CLASP1: variants seen among roughly 807,000 people sequenced by gnomAD.
CLASP1 encodes the protein CLIP-associating protein 1.
CLASP1 carries 38 observed loss-of-function variants against 192.3 expected under a neutral mutation model. The observed-to-expected ratio is 0.20, with a 90% confidence interval of 0.15 to 0.26. The LOEUF is 0.26. Ranked by LOEUF, CLASP1 falls within the 10% of genes least tolerant of loss-of-function variation. The probability of loss-of-function intolerance (pLI) is 1.00; values close to 1 mark genes in which losing one functional copy is unlikely to be tolerated. For missense variants in CLASP1, 1,433 were observed against 1,932.5 expected, an observed-to-expected ratio of 0.74 and a Z score of 4.85; for synonymous variants, 691 against 712.8, an observed-to-expected ratio of 0.97 and a Z score of 0.49.
chr2:121,394,658 G>T (rs2074975038), intron 30 of CLASP1, among the ~76,000 whole-genome samples: 1 of 152,188 alleles, frequency 6.6e-6, no homozygotes, highest in Non-Finnish European at 1.5e-5. Context: ...AAGGTGGGCG[G>T]ATCACGAGGT....
chr2:121,338,920 C>T (rs1293346326), exon 40 of CLASP1: 1 of 152,528 alleles, frequency 6.6e-6, no homozygotes, highest in African/African-American at 2.4e-5. Context: ...AAGAGACTCC[C>T]TAATTCACTT....
chr2:121,353,845 C>T (rs927411341), intron 37 of CLASP1, among the ~76,000 whole-genome samples: 2 of 152,158 alleles, frequency 1.3e-5, no homozygotes, highest in Admixed American at 6.5e-5. Flanking sequence ...GGCTGGAGTG[C>T]GATGGTGTGA....
intron 2 of CLASP1, among the ~76,000 whole-genome samples, chr2:121,588,376 G>A (rs1464046346): frequency 6.6e-6 from 1 of 152,074 alleles, no homozygotes; most frequent in East Asian, 1.9e-4. Context: ...ATGGCAACAT[G>A]CCCATAAAAA....
chr2:121,615,819 T>A (rs2066359406), intron 1 of CLASP1, among the ~76,000 whole-genome samples: 1 of 151,366 alleles, frequency 6.6e-6, no homozygotes, highest in South Asian at 2.1e-4. Flanking sequence ...ACAAATAAAT[T>A]AAAAAAAACA....
At chr2:121,557,521 T>C (rs201027099) in intron 2 of CLASP1, among the ~76,000 whole-genome samples, 1 of 151,362 alleles carries the variant, frequency 6.6e-6, no homozygotes. Context: ...GAGGCGGAGG[T>C]TGCAGTGACC....
At chr2:121,348,067 C>T (rs980060608) in intron 38 of CLASP1, among the ~76,000 whole-genome samples, 2 of 151,628 alleles carry the variant, frequency 1.3e-5, no homozygotes, top group South Asian at 2.1e-4. Context: ...CACAGTGGAA[C>T]GCAGCTGCTT....
chr2:121,345,816 C>A (rs1377536873), intron 39 of CLASP1, among the ~76,000 whole-genome samples: 1 of 152,218 alleles, frequency 6.6e-6, no homozygotes, highest in African/African-American at 2.4e-5. Context: ...TTCTGCCCCC[C>A]AGAGGGCATC....
rs138640657 is a variant in CLASP1 at position 121,378,612 on chromosome 2, C to T, written c.3492-963G>A. 7.2e-5 allele frequency among the ~76,000 whole-genome samples: 11 copies of T among 151,928 alleles called. No homozygotes were observed. In the East Asian group the frequency reaches 1.9e-3, roughly 27 times the overall value. ...ATATCAGCATAAAGCAAGCAAAACA[C>T]GAAGCAACAGTCAACCAAGGGCAAG... On this transcript the variant is annotated intron_variant, in intron 33 of 39. Coordinates refer to ENST00000263710, the Ensembl canonical transcript of CLASP1.
At chr2:121,594,613 C>A (rs2062901152) in intron 2 of CLASP1, among the ~76,000 whole-genome samples, 1 of 151,982 alleles carries the variant, frequency 6.6e-6, no homozygotes, top group African/African-American at 2.4e-5. Context: ...GAATGGTCTC[C>A]ATCTCCTGAC....
chr2:121,345,593 G>A (rs1558800447), intron 39 of CLASP1, among the ~76,000 whole-genome samples: 1 of 152,156 alleles, frequency 6.6e-6, no homozygotes, highest in South Asian at 2.1e-4. Context: ...GGGGACTTTT[G>A]CTCTGTATCT....
chr2:121,494,738 G>A (rs912908010), intron 8 of CLASP1, among the ~76,000 whole-genome samples: 1 of 151,948 alleles, frequency 6.6e-6, no homozygotes, highest in Non-Finnish European at 1.5e-5. Flanking sequence ...TAAAAATATT[G>A]GGCCAACCAC....
chr2:121,616,524 G>A (rs1175914909), intron 1 of CLASP1, among the ~76,000 whole-genome samples: 2 of 152,214 alleles, frequency 1.3e-5, no homozygotes, highest in African/African-American at 4.8e-5. Flanking sequence ...TTTAAAGCCA[G>A]TTCTGGAAGA....
chr2:121,541,459 C>T (rs2095232193), intron 2 of CLASP1, among the ~76,000 whole-genome samples: 1 of 152,046 alleles, frequency 6.6e-6, no homozygotes, highest in South Asian at 2.1e-4. Context: ...GGTAAATGAC[C>T]AAACTGCAAA....
chr2:121,357,095 A>G (rs1323214972), intron 37 of CLASP1, among the ~76,000 whole-genome samples: 1 of 152,192 alleles, frequency 6.6e-6, no homozygotes, highest in Non-Finnish European at 1.5e-5. Flanking sequence ...TAACGCTGAC[A>G]ATGTACCGGC....
At chr2:121,398,508 G>T in intron 28 of CLASP1, 108 bp from the exon 30 acceptor site, 1 of 720,470 alleles carries the variant, frequency 1.4e-6, no homozygotes, top group Non-Finnish European at 2.3e-6. Flanking sequence ...GTAAAACCCT[G>T]TTCACATTTT....
rs12991827 is a variant in CLASP1, at chr2:121,508,698, C to T, written c.645-5464G>A. Among the ~76,000 whole-genome samples the T allele has an allele frequency of 7.3e-3, 1,107 of 152,272 alleles. 4 individuals are homozygous for T. Among genetic ancestry groups the T allele is most frequent in the Non-Finnish European group, 0.011 (737 of 68,024 alleles). ...TTAAGTCATCCTCCTGCCTCAGCTTCCCCAGTAGCTGGAACTGGGGGTACA... is the reference window on the plus strand; with the variant it reads ...TTAAGTCATCCTCCTGCCTCAGCTTTCCCAGTAGCTGGAACTGGGGGTACA... On this transcript the variant is annotated intron_variant, in intron 7 of 39. Transcript: ENST00000263710.
At chr2:121,478,911 ACACCACACACACAC>A (rs1468105528) in intron 8 of CLASP1, among the ~76,000 whole-genome samples, 5 of 89,876 alleles carry the variant, frequency 5.6e-5, no homozygotes, top group African/African-American at 2.6e-4. Context: ...CACACCACAC[ACACCACACACACAC>A]CACACAACAC....
Position 121,531,059 on chromosome 2 carries a change from A to G in CLASP1, c.196-734T>C, listed in dbSNP as rs150222516. ...CAGTTCAAACAGCAGTAATTCGTAA[A>G]TAAACTAGTACTTTGTGGTTAAACC... is the stretch of plus-strand genomic sequence containing the variant. On this transcript the variant is annotated intron_variant, in intron 2 of 39. Coordinates refer to ENST00000263710, the Ensembl canonical transcript of CLASP1. The G allele has an allele frequency of 1.2e-3, 803 of 696,762 alleles. 2 individuals are homozygous for G. The highest frequency in any genetic ancestry group is 1.8e-3 in the Admixed American group (91 of 49,828). The allele number at this position is 696,762 out of a possible 1,614,324, so 43.2% of individuals were successfully genotyped here. A position where few individuals can be genotyped will look rare whatever the true frequency, so the allele number is the denominator to read the frequency against.
chr2:121,478,900 C>CACACA (rs1559369193), intron 8 of CLASP1, among the ~76,000 whole-genome samples: 4 of 58,592 alleles, frequency 6.8e-5, no homozygotes, highest in Non-Finnish European at 1.3e-4. Flanking sequence ...CACACACACA[C>CACACA]CACACCACAC....
Sources: allele counts gnomAD v4.1 joint callset (sites outside exome capture counted in the v4.1 genomes callset), GRCh38; gene constraint gnomAD v4.1.1; transcripts MANE v1.5; gene names NCBI Gene and HGNC (gene_info 2026-07-23, HGNC 2026-07-21).